Variants in FSTL4 observed in about 807,000 individuals in gnomAD.
FSTL4 encodes follistatin-related protein 4.
A neutral mutation model predicts 78.2 loss-of-function variants in FSTL4; 28 were observed. The observed-to-expected ratio is 0.36, with a 90% CI of 0.27 to 0.49. The LOEUF (loss-of-function observed/expected upper bound fraction) is 0.49. FSTL4 is among the 20% of genes least tolerant of loss of function. The pLI, the probability that FSTL4 is intolerant of heterozygous loss-of-function variation, is 0.98. For synonymous variants in FSTL4, 422 were observed against 440.5 expected (o/e 0.96, Z 0.53); for missense variants, 922 against 1,084.9 (o/e 0.85, Z 2.11).
At chr5:133,305,797 C>T (rs1228195911) in intron 6 of FSTL4, among the ~76,000 whole-genome samples, 1 of 152,222 alleles carries the variant, frequency 6.6e-6, no homozygotes, top group Admixed American at 6.5e-5. Context: ...CACCCTTTCC[C>T]TGTGCTGCTC....
the FSTL4 span, among the ~76,000 whole-genome samples, chr5:133,778,625 C>T: frequency 6.6e-6 from 1 of 152,120 alleles, no homozygotes; most frequent in Non-Finnish European, 1.5e-5. Context: ...TTCACCTCAC[C>T]GAGGCTGTGA....
At chr5:133,303,424 C>T (rs1753592072) in intron 6 of FSTL4, among the ~76,000 whole-genome samples, 1 of 152,370 alleles carries the variant, frequency 6.6e-6, no homozygotes, top group African/African-American at 2.4e-5. Context: ...GTGTCCAATG[C>T]CTCTCTCTGC....
intron 4 of FSTL4, among the ~76,000 whole-genome samples, chr5:133,329,346 C>G (rs1754288096): frequency 6.6e-6 from 1 of 152,028 alleles, no homozygotes; most frequent in Non-Finnish European, 1.5e-5. Flanking sequence ...TTCTGCTGGC[C>G]TGGTGTATTA....
chr5:133,217,902 G>T (rs1750966768), intron 12 of FSTL4, among the ~76,000 whole-genome samples: 1 of 152,100 alleles, frequency 6.6e-6, no homozygotes, highest in Non-Finnish European at 1.5e-5. Flanking sequence ...TCAGTGTGCT[G>T]ATCTCTATAT....
intron 4 of FSTL4, among the ~76,000 whole-genome samples, chr5:133,332,129 G>A (rs1053625932): frequency 3.3e-5 from 5 of 152,270 alleles, no homozygotes; most frequent in African/African-American, 4.8e-5. Context: ...TGGGTCCTCC[G>A]AGCGCTCAGA....
At position 133,220,882 on chromosome 5, in the gene FSTL4, G is replaced by A. The variant is rs756627893; in HGVS notation, c.1340-16C>T. 6 of 1,447,378 alleles carry A rather than the reference G, an allele frequency of 4.1e-6. No individual in the cohort carries two copies. The highest frequency in any genetic ancestry group is 4.5e-5 in the East Asian group (2 of 44,132). 89.7% of individuals were successfully genotyped at this position (1,447,378 alleles called of 1,614,324 possible). On this transcript the variant is annotated splice_polypyrimidine_tract_variant and intron_variant, in intron 11 of 15. Transcript: ENST00000265342. ...ACGCTGAGGCCTGGGAGGAGCAAAT[G>A]GAATGGGCATGCCCTCCAAGCAGTC...
chr5:133,344,761 G>A (rs1754661338), intron 4 of FSTL4, among the ~76,000 whole-genome samples: 1 of 152,152 alleles, frequency 6.6e-6, no homozygotes, highest in Non-Finnish European at 1.5e-5. Flanking sequence ...TCTTCTTGAA[G>A]ACTTGCTTTT....
At chr5:133,701,594 A>G in the FSTL4 span, among the ~76,000 whole-genome samples, 2 of 151,958 alleles carry the variant, frequency 1.3e-5, no homozygotes, top group Non-Finnish European at 2.9e-5. Context: ...TCAGTACTGC[A>G]CAATAATCTG....
intron 3 of FSTL4, among the ~76,000 whole-genome samples, chr5:133,437,872 T>C (rs1757069474): frequency 6.6e-6 from 1 of 152,086 alleles, no homozygotes; most frequent in South Asian, 2.1e-4. Context: ...CTTTTAAACA[T>C]TTTTTCATTA....
chr5:133,753,250 G>A, the FSTL4 span, among the ~76,000 whole-genome samples: 1 of 152,206 alleles, frequency 6.6e-6, no homozygotes, highest in African/African-American at 2.4e-5. Context: ...ACAGGGAAAT[G>A]AGATCTGGAG....
At chr5:133,603,559 T>C (rs1760913788) in intron 2 of FSTL4, among the ~76,000 whole-genome samples, 2 of 152,208 alleles carry the variant, frequency 1.3e-5, no homozygotes, top group Non-Finnish European at 2.9e-5. Flanking sequence ...TTTTATTAAA[T>C]ATACAGAAAG....
chr5:133,301,452 C>T (rs1056535276), intron 6 of FSTL4, among the ~76,000 whole-genome samples: 1 of 152,102 alleles, frequency 6.6e-6, no homozygotes, highest in Non-Finnish European at 1.5e-5. Flanking sequence ...ATCAGCAACT[C>T]GCTAGTGGAG....
At chr5:133,623,049 G>A in the FSTL4 span, among the ~76,000 whole-genome samples, 3 of 150,958 alleles carry the variant, frequency 2.0e-5, no homozygotes, top group African/African-American at 4.9e-5. Context: ...TCTCCATTTT[G>A]AGGGAATTTT....
chr5:133,633,447 C>T, the FSTL4 span, among the ~76,000 whole-genome samples: 4 of 152,128 alleles, frequency 2.6e-5, no homozygotes, highest in African/African-American at 9.7e-5. Flanking sequence ...TATCTTTCAG[C>T]TTTTACATTT....
intron 3 of FSTL4, among the ~76,000 whole-genome samples, chr5:133,480,798 T>C (rs1758011655): frequency 6.6e-6 from 1 of 152,070 alleles, no homozygotes; most frequent in Admixed American, 6.5e-5. Context: ...CCTGAAGAAA[T>C]GCTTTAGTGG....
the FSTL4 span, among the ~76,000 whole-genome samples, chr5:133,820,854 G>A: frequency 6.6e-6 from 1 of 152,054 alleles, no homozygotes; most frequent in Non-Finnish European, 1.5e-5. Context: ...TCAACTTGTT[G>A]GAGGGAAAAA....
At chr5:133,692,087 C>G in the FSTL4 span, among the ~76,000 whole-genome samples, 2 of 152,122 alleles carry the variant, frequency 1.3e-5, no homozygotes, top group African/African-American at 2.4e-5. Flanking sequence ...AAGAGAGGTG[C>G]AGCAGGAGTG....
chr5:133,468,289 G>A (rs1052920831), intron 3 of FSTL4, among the ~76,000 whole-genome samples: 7 of 152,308 alleles, frequency 4.6e-5, no homozygotes, highest in South Asian at 4.1e-4. Flanking sequence ...CCAGGGCATC[G>A]CTCTCCTGGT....
At chr5:133,803,879 C>A in the FSTL4 span, among the ~76,000 whole-genome samples, 3 of 152,186 alleles carry the variant, frequency 2.0e-5, no homozygotes, top group Admixed American at 2.0e-4. Flanking sequence ...GAGAGGCGCT[C>A]ATGTGAGATT....
Sources: allele counts gnomAD v4.1 joint callset (sites outside exome capture counted in the v4.1 genomes callset), GRCh38; gene constraint gnomAD v4.1.1; transcripts MANE v1.5; gene names NCBI Gene and HGNC (gene_info 2026-07-23, HGNC 2026-07-21).